RP9: variants seen among roughly 807,000 people sequenced by gnomAD.
The protein encoded by RP9 is RP9 pre-mRNA splicing factor.
Under a neutral mutation model 32.6 loss-of-function variants are expected in RP9, and 23 were observed. The observed-to-expected ratio is 0.71, with a 90% CI of 0.51 to 1.00. RP9 has a LOEUF of 1.00. Ranked by LOEUF, RP9 falls within the 50% of genes least tolerant of loss-of-function variation. The pLI is 0.00. For missense variants in RP9, 245 were observed against 285.3 expected (o/e 0.86, Z 1.02); for synonymous variants, 94 against 103.6 (o/e 0.91, Z 0.56).
chr7:33,107,921 G>A (rs1425556269), intron 1 of RP9, among the ~76,000 whole-genome samples: 1 of 152,216 alleles, frequency 6.6e-6, no homozygotes, highest in African/African-American at 2.4e-5. Flanking sequence ...AAAAGCAAAT[G>A]AGGTAGAGAA....
intron 2 of RP9, chr7:33,100,044 G>T: frequency 5.7e-6 from 1 of 174,620 alleles, no homozygotes; most frequent in Non-Finnish European, 1.2e-5. Flanking sequence ...TCTTGGCCGT[G>T]GCCTGCCACT....
intron 1 of RP9, among the ~76,000 whole-genome samples, chr7:33,102,234 C>A (rs1788435921): frequency 6.6e-6 from 1 of 152,180 alleles, no homozygotes; most frequent in South Asian, 2.1e-4. Context: ...AAATATATTT[C>A]TGAAAGTAGT....
chr7:33,102,259 T>C (rs545522447), intron 1 of RP9, among the ~76,000 whole-genome samples: 7 of 152,236 alleles, frequency 4.6e-5, no homozygotes, highest in Non-Finnish European at 8.8e-5. Context: ...AACTACTAAA[T>C]ACAGATTAGA....
Position 33,095,032 on chromosome 7 carries a change from C to T in RP9, c.*202G>A. Reference sequence around the variant, plus strand: ...AAGAAACTTTCCTGCCTAAAATCAGCTGCTGTCCAGAGCTAGCACCTGGAA... The same window carrying T: ...AAGAAACTTTCCTGCCTAAAATCAGTTGCTGTCCAGAGCTAGCACCTGGAA... On this transcript the variant is annotated 3_prime_UTR_variant, in exon 6 of 6. Transcript: ENST00000297157. The T allele has an allele frequency of 1.7e-6, 1 of 597,298 alleles. No individual in the cohort carries two copies. Among genetic ancestry groups the T allele is most frequent in the Non-Finnish European group, 3.0e-6 (1 of 331,166 alleles). The allele number at this position is 597,298 out of a possible 1,614,324, so 37.0% of individuals were successfully genotyped here. A position where few individuals can be genotyped will look rare whatever the true frequency, so the allele number is the denominator to read the frequency against.
At chr7:33,099,582 A>G in intron 2 of RP9, 146 bp from the exon 3 acceptor site, 1 of 792,840 alleles carries the variant, frequency 1.3e-6, no homozygotes, top group Non-Finnish European at 2.1e-6. Flanking sequence ...AAAAAAGACA[A>G]GTTACACCTG....
At chr7:33,098,664 C>T (rs1584000346) in intron 3 of RP9, among the ~76,000 whole-genome samples, 2 of 152,272 alleles carry the variant, frequency 1.3e-5, no homozygotes, top group South Asian at 2.1e-4. Context: ...CTCTGAGGCA[C>T]GTTGTCTTTG....
chr7:33,101,691 C>T (rs889395319), intron 1 of RP9, among the ~76,000 whole-genome samples: 3 of 152,106 alleles, frequency 2.0e-5, no homozygotes, highest in East Asian at 3.9e-4. Flanking sequence ...CTACTAATCC[C>T]AGATCTGTTC....
rs1788354694 is a variant in RP9 at position 33,097,382 on chromosome 7, T to C, written c.314-20A>G. ...GCCAACCTAAAAACGAAAAGAGAAA[T>C]ATTTCTGTAAGATAACAGTTTCACC... On this transcript the variant is annotated intron_variant, in intron 3 of 5. Transcript: ENST00000297157. 6.4e-6 allele frequency: 10 copies of C among 1,564,492 alleles called. No individual in the cohort carries two copies. Among genetic ancestry groups the C allele is most frequent in the Non-Finnish European group, 8.8e-6 (10 of 1,135,314 alleles).
At chr7:33,107,776 CAAATT>C (rs1788519204) in intron 1 of RP9, among the ~76,000 whole-genome samples, 1 of 152,142 alleles carries the variant, frequency 6.6e-6, no homozygotes, top group African/African-American at 2.4e-5. Flanking sequence ...TAAAAGTAGA[CAAATT>C]AAACTCTACT....
In RP9 at chr7:33,109,063, C is replaced by T. The variant is rs549001387; in HGVS notation, c.152+158G>A. ...ACTTCAAGTCCTTGACCGCGGCGCC[C>T]GACATCGGTCGCCCGCACCAGGCTC... On this transcript the variant is annotated intron_variant, in intron 1 of 5. Coordinates refer to ENST00000297157, the MANE Select transcript of RP9 (RefSeq NM_203288.2). This position sits in a 1 kb window ranked among gnomAD's most constrained non-coding sequence, Gnocchi z 4.9. Among the ~76,000 whole-genome samples the T allele has an allele frequency of 3.4e-4, 51 of 151,960 alleles. No individual in the cohort carries two copies. The highest frequency in any genetic ancestry group is 7.1e-4 in the Non-Finnish European group (48 of 67,954).
chr7:33,104,518 G>A (rs1171030898), intron 1 of RP9, among the ~76,000 whole-genome samples: 3 of 152,052 alleles, frequency 2.0e-5, no homozygotes, highest in Admixed American at 1.3e-4. Context: ...ACTTCAGGAT[G>A]GCAGCAATAA....
intron 1 of RP9, among the ~76,000 whole-genome samples, chr7:33,106,194 A>T (rs1028340977): frequency 9.9e-5 from 15 of 151,982 alleles, no homozygotes; most frequent in African/African-American, 3.6e-4. Flanking sequence ...TTGAGACAGG[A>T]TATCACTCTG....
At position 33,109,317 on chromosome 7, in the gene RP9, C is replaced by T. The variant is rs1487119683; in HGVS notation, c.56G>A (p.Arg19His). Residue 19 changes from arginine to histidine, a missense_variant, in exon 1 of 6, where the codon CGT (arginine) becomes CAT (histidine). By Grantham distance (29) the Arg-to-His change is conservative (BLOSUM62 0). Transcript: ENST00000297157. The surrounding 1 kb of genome is among the most constrained non-coding windows in gnomAD (Gnocchi z 4.9). ...DVGAAGARRP[R>H]EPPEQELQRR... ...CTGCAGCTCCTGCTCCGGCGGCTCA[C>T]GCGGCCGCCGCGCGCCCGCAGCCCC... 2 of 1,460,258 alleles carry T rather than the reference C, an allele frequency of 1.4e-6. No homozygotes were observed. Among genetic ancestry groups the T allele is most frequent in the Non-Finnish European group, 1.8e-6 (2 of 1,110,366 alleles). 90.5% of individuals were successfully genotyped at this position (1,460,258 alleles called of 1,614,324 possible).
chr7:33,097,497 G>A (rs1788356058), intron 3 of RP9, 135 bp from the exon 4 acceptor site: 1 of 669,702 alleles, frequency 1.5e-6, no homozygotes, highest in Non-Finnish European at 2.5e-6. Flanking sequence ...GACAAGCCAT[G>A]TAAGATCCCA....
chr7:33,101,337 C>T (rs910033749), intron 1 of RP9, among the ~76,000 whole-genome samples: 2 of 152,062 alleles, frequency 1.3e-5, no homozygotes, highest in Non-Finnish European at 2.9e-5. Flanking sequence ...CGTGGTGGCT[C>T]GCGCCTGTAA....
rs6462460 is a variant in RP9, at chr7:33,097,371, G to A, written c.314-9C>T. On this transcript the variant is annotated splice_polypyrimidine_tract_variant and intron_variant, in intron 3 of 5. Coordinates refer to ENST00000297157, the MANE Select transcript of RP9 (RefSeq NM_203288.2). The stretch of plus-strand genomic sequence containing the variant: ...GCGTTTGCAACGCCAACCTAAAAAC[G>A]AAAAGAGAAATATTTCTGTAAGATA... 1,588,594 of 1,600,374 alleles carry A rather than the reference G, an allele frequency of 0.99. 788,459 individuals are homozygous for A. Among genetic ancestry groups the A allele is most frequent in the East Asian group, 1 (44,808 of 44,818 alleles).
intron 1 of RP9, among the ~76,000 whole-genome samples, chr7:33,105,221 G>A (rs1312688085): frequency 6.6e-6 from 1 of 152,126 alleles, no homozygotes; most frequent in African/African-American, 2.4e-5. Context: ...GTTATGTGTG[G>A]AAAAAGTACT....
intron 1 of RP9, among the ~76,000 whole-genome samples, chr7:33,106,770 C>T (rs1281715403): frequency 2.0e-5 from 3 of 151,910 alleles, no homozygotes; most frequent in Non-Finnish European, 4.4e-5. Context: ...ATGGTGAAGC[C>T]CCATCTCTAC....
Position 33,109,170 on chromosome 7 carries a change from GC to G in RP9, c.152+50del. ...CCCACCGCGGCGTCCCGCGCCCCGG[GC>G]CCCTGGCTTCAGAAGACTGGCCGCG... On this transcript the variant is annotated intron_variant, in intron 1 of 5. Coordinates refer to ENST00000297157, the MANE Select transcript of RP9 (RefSeq NM_203288.2). The surrounding 1 kb of genome is among the most constrained non-coding windows in gnomAD (Gnocchi z 4.9). The G allele has an allele frequency of 6.1e-6, 9 of 1,473,272 alleles. No individual in the cohort carries two copies. Among genetic ancestry groups the G allele is most frequent in the East Asian group, 6.0e-5 (2 of 33,444 alleles). 91.3% of individuals were successfully genotyped at this position (1,473,272 alleles called of 1,614,324 possible).
Sources: allele counts gnomAD v4.1 joint callset (sites outside exome capture counted in the v4.1 genomes callset), GRCh38; gene constraint gnomAD v4.1.1; non-coding constraint Gnocchi (gnomAD v3.1); transcripts MANE v1.5; gene names NCBI Gene and HGNC (gene_info 2026-07-23, HGNC 2026-07-21).